The following PKNOX2 variants were observed in gnomAD, a reference collection of about 807,000 sequenced individuals.
The protein encoded by PKNOX2 is PBX/knotted 1 homeobox 2.
Under a neutral mutation model 53.1 loss-of-function variants are expected in PKNOX2, and 14 were observed. That is an observed-to-expected ratio of 0.26 (90% CI 0.17 to 0.41). PKNOX2 has a LOEUF of 0.41. PKNOX2 is among the 10% of genes least tolerant of loss of function. The pLI is 1.00. For synonymous variants in PKNOX2, 257 were observed against 242.8 expected (o/e 1.06, Z -0.54); for missense variants, 496 against 602.8 (o/e 0.82, Z 1.85).
chr11:125,178,741 G>GA (rs796176880), intron 1 of PKNOX2, among the ~76,000 whole-genome samples: 4,431 of 134,534 alleles, frequency 0.033, 142 homozygotes, highest in Middle Eastern at 0.043. Context: ...AGAGAGAAAG[G>GA]AAGAAAGAGA....
chr11:125,415,054 TG>T (rs1218257448), intron 10 of PKNOX2, among the ~76,000 whole-genome samples: 2 of 152,122 alleles, frequency 1.3e-5, no homozygotes, highest in Non-Finnish European at 2.9e-5. Context: ...GTGCCTCTCT[TG>T]CATCTCTGAC....
chr11:125,175,896 A>T (rs1955675407), intron 1 of PKNOX2, among the ~76,000 whole-genome samples: 2 of 152,248 alleles, frequency 1.3e-5, no homozygotes, highest in African/African-American at 4.8e-5. Flanking sequence ...CTACACCGTG[A>T]CTTGCATGTA....
intron 1 of PKNOX2, among the ~76,000 whole-genome samples, chr11:125,198,481 G>A (rs1400773218): frequency 4.6e-5 from 7 of 152,174 alleles, no homozygotes; most frequent in East Asian, 1.9e-4. Flanking sequence ...GTTCTCCTTC[G>A]ATATCTTCAT....
chr11:125,201,946 T>A (rs1051471018), intron 1 of PKNOX2, among the ~76,000 whole-genome samples: 4 of 152,324 alleles, frequency 2.6e-5, no homozygotes, highest in Admixed American at 2.6e-4. Context: ...CCTTGGGGTC[T>A]GGTGGAGCCC....
chr11:125,266,824 C>T (rs1199437413), intron 2 of PKNOX2: 1 of 152,188 alleles, frequency 6.6e-6, no homozygotes, highest in Non-Finnish European at 1.5e-5. Flanking sequence ...ACTTCCCACC[C>T]AGGTTCTAAA....
chr11:125,411,462 TTCTCTCTC>T (rs3028442), intron 9 of PKNOX2: 7,110 of 251,902 alleles, frequency 0.028, 57 homozygotes, highest in Middle Eastern at 0.036. Flanking sequence ...TCCTCTGTCT[TTCTCTCTC>T]TCTCTCTCTC....
intron 1 of PKNOX2, among the ~76,000 whole-genome samples, chr11:125,223,836 A>G (rs1941440039): frequency 6.6e-6 from 1 of 152,216 alleles, no homozygotes. Context: ...AAACGATGAC[A>G]TTGCAGCTGG....
At chr11:125,322,329 G>A (rs537589125) in intron 2 of PKNOX2, among the ~76,000 whole-genome samples, 3 of 152,246 alleles carry the variant, frequency 2.0e-5, no homozygotes, top group South Asian at 2.1e-4. Flanking sequence ...GAGAAAGACC[G>A]AGCTTTGGGA....
chr11:125,418,274 A>C (rs1955993939), intron 10 of PKNOX2, among the ~76,000 whole-genome samples: 1 of 152,096 alleles, frequency 6.6e-6, no homozygotes, highest in African/African-American at 2.4e-5. Context: ...ACAATGTATC[A>C]GTACTTCATT....
chr11:125,194,245 C>T (rs1298040661), intron 1 of PKNOX2, among the ~76,000 whole-genome samples: 3 of 152,194 alleles, frequency 2.0e-5, no homozygotes, highest in South Asian at 2.1e-4. Flanking sequence ...AGAGAGCAGT[C>T]ATCCCTTGCT....
At chr11:125,411,644 G>A in intron 9 of PKNOX2, 102 bp from the exon 10 acceptor site, 3 of 1,594,836 alleles carry the variant, frequency 1.9e-6, no homozygotes, top group Non-Finnish European at 2.6e-6. Flanking sequence ...AATGAGCCGG[G>A]AAAGGGGCTG....
At chr11:125,197,015 A>G (rs1937788467) in intron 1 of PKNOX2, among the ~76,000 whole-genome samples, 1 of 152,226 alleles carries the variant, frequency 6.6e-6, no homozygotes, top group Non-Finnish European at 1.5e-5. Context: ...AATGCATTAA[A>G]TGAACTCACA....
chr11:125,351,299 C>A lies in PKNOX2; in HGVS notation c.-7C>A, dbSNP rs1249024654. The A allele has an allele frequency of 6.3e-7, 1 of 1,586,738 alleles. No individual in the cohort carries two copies. The highest frequency in any genetic ancestry group is 2.2e-5 in the East Asian group (1 of 44,552). On this transcript the variant is annotated 5_prime_UTR_variant, in exon 4 of 13. Transcript: ENST00000298282. ...CTGCCCACAGGTCCTCCATGTGAAT[C>A]AATCCCATGATGCAACATGCCTCCC... is the stretch of plus-strand genomic sequence containing the variant.
chr11:125,197,438 G>C (rs1315346500), intron 1 of PKNOX2, among the ~76,000 whole-genome samples: 1 of 152,130 alleles, frequency 6.6e-6, no homozygotes, highest in African/African-American at 2.4e-5. Context: ...CCTGAGTGGG[G>C]ATCTCTCTTT....
intron 2 of PKNOX2, among the ~76,000 whole-genome samples, chr11:125,305,180 C>T (rs1286525090): frequency 6.6e-6 from 1 of 152,182 alleles, no homozygotes; most frequent in Non-Finnish European, 1.5e-5. Context: ...ATCAGAGGCT[C>T]CAGAGCAGAA....
At chr11:125,248,304 GA>G (rs796642803) in intron 2 of PKNOX2, among the ~76,000 whole-genome samples, 2 of 152,286 alleles carry the variant, frequency 1.3e-5, no homozygotes, top group African/African-American at 4.8e-5. Flanking sequence ...GCCAGCAAAA[GA>G]AAAGCAGGTG....
intron 2 of PKNOX2, among the ~76,000 whole-genome samples, chr11:125,290,827 G>T (rs1320135213): frequency 1.3e-5 from 2 of 151,886 alleles, no homozygotes; most frequent in Admixed American, 1.3e-4. Context: ...GGATGCCTGA[G>T]GTTCTGTGGG....
Position 125,216,008 on chromosome 11 carries a change from G to A in PKNOX2, c.-200-19037G>A, listed in dbSNP as rs150786136. Among the ~76,000 whole-genome samples the A allele has an allele frequency of 2.8e-3, 426 of 152,308 alleles. 1 individual carries two copies. The highest frequency in any genetic ancestry group is 9.5e-3 in the African/African-American group (395 of 41,570). ...TCCATGCTTGCTGCTGACTTGAATT[G>A]CTCAACTTCATTGCTTCTCTAGATT... is the stretch of plus-strand genomic sequence containing the variant. On this transcript the variant is annotated intron_variant, in intron 1 of 12. Coordinates refer to ENST00000298282, the MANE Select transcript of PKNOX2 (RefSeq NM_001382323.2).
At chr11:125,289,369 A>G (rs1303146724) in intron 2 of PKNOX2, among the ~76,000 whole-genome samples, 2 of 152,230 alleles carry the variant, frequency 1.3e-5, no homozygotes, top group Non-Finnish European at 2.9e-5. Flanking sequence ...GTTTTCTCCA[A>G]AATGGGAATG....
Sources: gnomAD v4.1 joint callset for allele counts (sites outside exome capture counted in the v4.1 genomes callset) on GRCh38, gnomAD v4.1.1 for gene constraint, MANE v1.5 for transcripts, NCBI Gene and HGNC (gene_info 2026-07-23, HGNC 2026-07-21) for gene names.